DYDC2: variants seen among roughly 807,000 people sequenced by gnomAD.
The protein encoded by DYDC2 is DPY30 domain containing 2.
DYDC2 carries 19 observed loss-of-function variants against 18.7 expected under a neutral mutation model. That is an observed-to-expected ratio of 1.02 (90% CI 0.71 to 1.49). The LOEUF is 1.49. DYDC2 is among the 40% of genes most tolerant of loss of function. The pLI is 0.00. For synonymous variants in DYDC2, 63 were observed against 67.6 expected (o/e 0.93, Z 0.34); for missense variants, 179 against 205.1 (o/e 0.87, Z 0.78).
Position 80,359,553 on chromosome 10 carries a change from C to A in DYDC2, c.-10+1508C>A, listed in dbSNP as rs115731143. On this transcript the variant is annotated intron_variant, in intron 2 of 4. Coordinates refer to ENST00000256039, the MANE Select transcript of DYDC2 (RefSeq NM_032372.6). ...CCGGGCACCGCGGAGCAGTGGGTGG[C>A]GCTCATCAGGGAGGCTCCGACAGCA... Among the ~76,000 whole-genome samples the A allele has an allele frequency of 2.0e-5, 3 of 152,258 alleles. No homozygotes were observed. The South Asian group carries it at 6.2e-4, about 32-fold the overall frequency.
intron 1 of DYDC2, 48 bp from the exon 2 acceptor site, chr10:80,357,845 G>T (rs908769518): frequency 3.0e-6 from 3 of 985,392 alleles, no homozygotes; most frequent in African/African-American, 3.5e-5. Context: ...GAAGCATGAG[G>T]GCAGGTGGCA....
intron 3 of DYDC2, 83 bp downstream of exon 3, chr10:80,362,673 G>T (rs1843700500): frequency 6.6e-7 from 1 of 1,513,902 alleles, no homozygotes; most frequent in East Asian, 2.3e-5. Context: ...GGATTCTGGA[G>T]CTGGCCTGGG....
upstream of DYDC2, chr10:80,356,411 G>A (rs892093516): frequency 3.0e-6 from 3 of 985,632 alleles, no homozygotes; most frequent in Admixed American, 6.1e-5. Flanking sequence ...CACCCGGGCA[G>A]GGGTGCCAGA....
In DYDC2 at chr10:80,358,059, A is replaced by T; in HGVS notation, c.-10+14A>T. ...CTCCCCCCATTGGTGAGTGTACCCT[A>T]AGTTGGTCTGAGTGGGCTTTAAAAG... On this transcript the variant is annotated intron_variant, in intron 2 of 4. Transcript: ENST00000256039. The T allele has an allele frequency of 1.0e-6, 1 of 985,432 alleles. No homozygotes were observed. Among genetic ancestry groups the T allele is most frequent in the Non-Finnish European group, 1.2e-6 (1 of 830,006 alleles). 61.0% of individuals were successfully genotyped at this position (985,432 alleles called of 1,614,324 possible).
upstream of DYDC2, chr10:80,356,768 G>C (rs1215607256): frequency 3.0e-6 from 3 of 985,562 alleles, no homozygotes; most frequent in Non-Finnish European, 3.6e-6. Context: ...CAGGCAACGA[G>C]AGCTCGCGCC....
intron 1 of DYDC2, among the ~76,000 whole-genome samples, chr10:80,350,793 G>A (rs1468916641): frequency 1.3e-5 from 2 of 152,100 alleles, no homozygotes; most frequent in Non-Finnish European, 1.5e-5. Flanking sequence ...TAGCTTAGAA[G>A]CTCTCTATAA....
intron 1 of DYDC2, among the ~76,000 whole-genome samples, chr10:80,346,723 G>GTGC (rs1237126860): frequency 6.6e-6 from 1 of 151,580 alleles, no homozygotes; most frequent in African/African-American, 2.4e-5. Flanking sequence ...GCCTCCCGAA[G>GTGC]TGCTGGGATT....
chr10:80,352,433 C>A, upstream of DYDC2: 1 of 1,551,196 alleles, frequency 6.4e-7, no homozygotes, highest in Non-Finnish European at 8.7e-7. Flanking sequence ...TTCTAATTTC[C>A]TAGAAGGAGA....
At chr10:80,364,149 C>CT (rs1445877598) in intron 4 of DYDC2, among the ~76,000 whole-genome samples, 5 of 152,132 alleles carry the variant, frequency 3.3e-5, no homozygotes, top group Non-Finnish European at 5.9e-5. Flanking sequence ...AGCTTCCAAG[C>CT]CAATTTGAAG....
chr10:80,363,784 T>C (rs1362035918), intron 4 of DYDC2, among the ~76,000 whole-genome samples: 1 of 152,238 alleles, frequency 6.6e-6, no homozygotes, highest in Non-Finnish European at 1.5e-5. Context: ...ACTTCAGATA[T>C]TTAACTTAGT....
chr10:80,353,705 G>A (rs1205676832), upstream of DYDC2, among the ~76,000 whole-genome samples: 3 of 151,826 alleles, frequency 2.0e-5, no homozygotes, highest in East Asian at 6.0e-4. Context: ...CCTGAACTGT[G>A]CACTTACTCT....
chr10:80,346,570 C>T (rs981750158), intron 1 of DYDC2, among the ~76,000 whole-genome samples: 1 of 149,408 alleles, frequency 6.7e-6, no homozygotes, highest in African/African-American at 2.5e-5. Context: ...ACACCATTCT[C>T]CTGTCTCAGC....
chr10:80,364,698 A>G (rs1011342138), intron 4 of DYDC2, among the ~76,000 whole-genome samples: 5 of 150,004 alleles, frequency 3.3e-5, no homozygotes, highest in African/African-American at 1.2e-4. Context: ...GACAACAAGC[A>G]CAATGTCTAG....
chr10:80,347,303 T>TGC (rs1842722454), intron 1 of DYDC2, among the ~76,000 whole-genome samples: 1 of 129,214 alleles, frequency 7.7e-6, no homozygotes, highest in African/African-American at 3.0e-5. Flanking sequence ...TTTTTTTTTT[T>TGC]TTGCTATTGA....
chr10:80,362,519 C>T lies in DYDC2; in HGVS notation c.76C>T (p.Pro26Ser), dbSNP rs1192021279. 7.4e-6 allele frequency: 12 copies of T among 1,614,102 alleles called. No individual in the cohort carries two copies. The highest frequency in any genetic ancestry group is 2.2e-5 in the South Asian group (2 of 91,054). ...QALAEVAKVRPSDPIEYLAHW... is the reference protein window; with the variant it reads ...QALAEVAKVRSSDPIEYLAHW... ...ACTGGCAGAGGTGGCGAAGGTTCGG[C>T]CCAGTGACCCAATAGAATACCTGGC... is the stretch of plus-strand genomic sequence containing the variant. The change falls in exon 3 of 5, where the codon CCC becomes TCC. Residue 26 changes from proline (P) to serine (S), a missense_variant. Transcript: ENST00000256039.
chr10:80,358,129 G>A, intron 2 of DYDC2, 84 bp downstream of exon 2: 1 of 939,378 alleles, frequency 1.1e-6, no homozygotes. Context: ...TGTAATCCTA[G>A]CACTTTGGGA....
rs572594995 is a variant in DYDC2, at chr10:80,366,914, C to T, written c.497C>T (p.Ala166Val). Residue 166 changes from alanine (A) to valine (V), a missense_variant, in exon 5 of 5, where the codon GCT becomes GTT. By Grantham distance (64) the Ala-to-Val change is moderately conservative. Transcript: ENST00000256039. ...AAGGAGGCTTTTCAGCATGAAGTTG[C>T]TCATGAAATGCCTCCTGGCTCCAAA... ...NYKEAFQHEV[A>V]HEMPPGSKSP... The T allele has an allele frequency of 4.3e-6, 7 of 1,613,834 alleles. No individual in the cohort carries two copies. The African/African-American group carries it at 8.0e-5, about 18-fold the overall frequency.
intron 2 of DYDC2, among the ~76,000 whole-genome samples, chr10:80,359,843 C>T (rs1003812526): frequency 6.6e-5 from 10 of 152,246 alleles, no homozygotes; most frequent in Admixed American, 2.0e-4. Context: ...GAGTGCCACA[C>T]GCGGCCCCAT....
chr10:80,363,336 G>GTTTT (rs3038629), intron 4 of DYDC2, among the ~76,000 whole-genome samples: 4 of 81,628 alleles, frequency 4.9e-5, no homozygotes, highest in Non-Finnish European at 8.6e-5. Context: ...AAAAAAATCT[G>GTTTT]TTTTTTTTTT....
Sources: gnomAD v4.1 joint callset for allele counts (sites outside exome capture counted in the v4.1 genomes callset) on GRCh38, gnomAD v4.1.1 for gene constraint, MANE v1.5 for transcripts, NCBI Gene and HGNC (gene_info 2026-07-23, HGNC 2026-07-21) for gene names.